The following POLN variants were observed in gnomAD, a reference collection of about 807,000 sequenced individuals.
POLN encodes DNA polymerase nu.
POLN carries 108 observed loss-of-function variants against 113.5 expected under a neutral mutation model. The observed-to-expected ratio is 0.95, with a 90% CI of 0.81 to 1.12. POLN has a LOEUF of 1.12. Ranked by LOEUF, POLN falls within the 50% of genes most tolerant of loss-of-function variation. POLN has a pLI of 0.00. For synonymous variants in POLN, 386 were observed against 391.5 expected (o/e 0.99, Z 0.17); for missense variants, 1,097 against 1,077.1 (o/e 1.02, Z -0.26).
At chr4:2,209,475 T>C (rs1419890041) in intron 4 of POLN, among the ~76,000 whole-genome samples, 10 of 127,476 alleles carry the variant, frequency 7.8e-5, no homozygotes, top group African/African-American at 2.9e-4. Context: ...CAAGACTCCG[T>C]CTCAGAAAAA....
chr4:2,220,312 C>T (rs1482714155), intron 3 of POLN, among the ~76,000 whole-genome samples: 4 of 152,186 alleles, frequency 2.6e-5, no homozygotes, highest in Admixed American at 6.5e-5. Flanking sequence ...CCATGAGCAG[C>T]CCCACTGGCC....
intron 3 of POLN, among the ~76,000 whole-genome samples, chr4:2,224,439 G>A (rs768993581): frequency 9.2e-5 from 14 of 151,970 alleles, no homozygotes; most frequent in Non-Finnish European, 1.5e-4. Flanking sequence ...ATATAGTATC[G>A]TAAATATATA....
rs1037271134 is a variant in POLN, at chr4:2,229,297, A to G, written c.-12-54T>C. On this transcript the variant is annotated intron_variant, in intron 2 of 25. Coordinates refer to ENST00000511885, the MANE Select transcript of POLN (RefSeq NM_181808.4). ...CCCATATATTAATCCTAAGACTATA[A>G]AACAGGAAATACAATTATTTTCAAA... 6 of 1,362,880 alleles carry G rather than the reference A, an allele frequency of 4.4e-6. No homozygotes were observed. In the African/African-American group the frequency reaches 4.5e-5, roughly 10 times the overall value. 84.4% of individuals were successfully genotyped at this position (1,362,880 alleles called of 1,614,324 possible).
At chr4:2,164,769 C>CTCCAACCT (rs1025156540) in intron 13 of POLN, among the ~76,000 whole-genome samples, 4 of 124,352 alleles carry the variant, frequency 3.2e-5, no homozygotes, top group African/African-American at 1.2e-4. Flanking sequence ...TGCCACTGCA[C>CTCCAACCT]TCCAACCTGG....
chr4:2,189,251 A>T (rs1733373080), intron 7 of POLN, among the ~76,000 whole-genome samples: 2 of 152,372 alleles, frequency 1.3e-5, no homozygotes, highest in East Asian at 3.8e-4. Flanking sequence ...AGGAAATAAG[A>T]CACAACTATT....
At chr4:2,107,507 T>TA (rs1460839404) in intron 19 of POLN, among the ~76,000 whole-genome samples, 3 of 151,984 alleles carry the variant, frequency 2.0e-5, no homozygotes, top group Admixed American at 6.6e-5. Context: ...GACTGAATCT[T>TA]AGAGAGATAA....
chr4:2,159,818 G>C lies in POLN; in HGVS notation c.1555-607C>G, dbSNP rs35967655. On this transcript the variant is annotated intron_variant, in intron 13 of 25. Transcript: ENST00000511885. ...TTTTTGGGGTTCATCAACATATGAAGCAGTATTTCATTTATTTGCACGGCT... is the reference window on the plus strand; with the variant it reads ...TTTTTGGGGTTCATCAACATATGAACCAGTATTTCATTTATTTGCACGGCT... 6.6e-5 allele frequency among the ~76,000 whole-genome samples: 10 copies of C among 152,290 alleles called. No individual in the cohort carries two copies. In the East Asian group the frequency reaches 1.9e-3, roughly 29 times the overall value.
intron 7 of POLN, among the ~76,000 whole-genome samples, chr4:2,192,096 C>T (rs995181321): frequency 8.3e-6 from 1 of 120,284 alleles, no homozygotes; most frequent in African/African-American, 3.5e-5. Flanking sequence ...GCCTGGGCGA[C>T]AGAGCGAGAC....
chr4:2,179,177 T>G, intron 8 of POLN, 131 bp downstream of exon 8: 1 of 929,178 alleles, frequency 1.1e-6, no homozygotes, highest in Non-Finnish European at 1.6e-6. Context: ...GTCACAACTA[T>G]TTGTGCTGAA....
chr4:2,184,204 C>T (rs1205468692), intron 7 of POLN, among the ~76,000 whole-genome samples: 6 of 148,760 alleles, frequency 4.0e-5, no homozygotes, highest in African/African-American at 1.5e-4. Flanking sequence ...CAAAATTGAC[C>T]CAAAACAGCC....
chr4:2,222,958 C>T (rs750643641), intron 3 of POLN, among the ~76,000 whole-genome samples: 24 of 152,158 alleles, frequency 1.6e-4, no homozygotes, highest in Non-Finnish European at 2.6e-4. Flanking sequence ...AATCACATGT[C>T]TACTTTCTCA....
chr4:2,108,885 T>C (rs1731129704), intron 19 of POLN, among the ~76,000 whole-genome samples: 1 of 151,986 alleles, frequency 6.6e-6, no homozygotes, highest in Non-Finnish European at 1.5e-5. Flanking sequence ...TCCTCAGGCA[T>C]GCAAAGACAC....
At chr4:2,116,063 C>T (rs1028333426) in intron 19 of POLN, among the ~76,000 whole-genome samples, 12 of 152,136 alleles carry the variant, frequency 7.9e-5, no homozygotes, top group African/African-American at 2.9e-4. Flanking sequence ...GGAGGAGTTT[C>T]TCCTGGTTTT....
chr4:2,162,545 C>T (rs1732625931), intron 13 of POLN, among the ~76,000 whole-genome samples: 1 of 152,220 alleles, frequency 6.6e-6, no homozygotes, highest in Non-Finnish European at 1.5e-5. Flanking sequence ...CAACCTCCAC[C>T]TCTGGGGCTC....
chr4:2,204,435 T>TGAAATGGTAACA (rs1733795267), intron 5 of POLN, among the ~76,000 whole-genome samples: 1 of 152,078 alleles, frequency 6.6e-6, no homozygotes, highest in South Asian at 2.1e-4. Flanking sequence ...GCAGTGAGAC[T>TGAAATGGTAACA]GAAATGGTAA....
At chr4:2,124,564 C>T (rs1431138853) in intron 19 of POLN, among the ~76,000 whole-genome samples, 4 of 152,174 alleles carry the variant, frequency 2.6e-5, no homozygotes, top group East Asian at 3.9e-4. Context: ...TGGGCATGCG[C>T]CACTGTGCCA....
intron 13 of POLN, 84 bp downstream of exon 13, chr4:2,170,595 C>T (rs1732835552): frequency 1.7e-6 from 2 of 1,198,808 alleles, no homozygotes; most frequent in Admixed American, 2.1e-5. Flanking sequence ...GCCTGAGAGT[C>T]TCGGGTGGGT....
intron 21 of POLN, among the ~76,000 whole-genome samples, chr4:2,084,868 T>C (rs1730512206): frequency 6.6e-6 from 1 of 152,256 alleles, no homozygotes; most frequent in South Asian, 2.1e-4. Context: ...GTTGTTGATT[T>C]CATTAATTTC....
intron 3 of POLN, among the ~76,000 whole-genome samples, chr4:2,224,705 CT>C (rs1434529048): frequency 6.6e-6 from 1 of 152,140 alleles, no homozygotes; most frequent in Non-Finnish European, 1.5e-5. Flanking sequence ...AATCTCAGCA[CT>C]TTGGGAGGCC....
Sources: gnomAD v4.1 joint callset for allele counts (sites outside exome capture counted in the v4.1 genomes callset) on GRCh38, gnomAD v4.1.1 for gene constraint, MANE v1.5 for transcripts, NCBI Gene and HGNC (gene_info 2026-07-23, HGNC 2026-07-21) for gene names.